MOK: variants seen among roughly 807,000 people sequenced by gnomAD.
MOK encodes the protein MAPK/MAK/MRK overlapping kinase.
Under a neutral mutation model 54.2 loss-of-function variants are expected in MOK, and 59 were observed. The observed-to-expected ratio is 1.09, with a 90% CI of 0.88 to 1.35. The LOEUF is 1.35. MOK is among the 40% of genes most tolerant of loss of function. The pLI is 0.00. For missense variants in MOK, 517 were observed against 526.2 expected (o/e 0.98, Z 0.17); for synonymous variants, 210 against 202.7 (o/e 1.04, Z -0.31).
chr14:102,254,076 C>G (rs2066740117), intron 4 of MOK, among the ~76,000 whole-genome samples: 1 of 152,030 alleles, frequency 6.6e-6, no homozygotes, highest in Non-Finnish European at 1.5e-5. Context: ...CCTCCACCTC[C>G]CAGGTTCAAG....
intron 4 of MOK, among the ~76,000 whole-genome samples, chr14:102,252,914 G>A (rs185617931): frequency 2.5e-4 from 38 of 152,196 alleles, no homozygotes; most frequent in African/African-American, 8.9e-4. Context: ...TAGAAGAGAT[G>A]GCAGTCTTAA....
At chr14:102,228,356 G>A (rs186470986), downstream of MOK, among the ~76,000 whole-genome samples, 223 of 152,314 alleles carry the variant, frequency 1.5e-3, no homozygotes, top group African/African-American at 5.2e-3. Flanking sequence ...GGGCTCCGAG[G>A]ACACGCCTGT....
intron 1 of MOK, among the ~76,000 whole-genome samples, chr14:102,302,744 A>T (rs2072376643): frequency 6.6e-6 from 1 of 151,950 alleles, no homozygotes; most frequent in Non-Finnish European, 1.5e-5. Context: ...ATATAGGTAT[A>T]CACATGCAGT....
intron 1 of MOK, among the ~76,000 whole-genome samples, chr14:102,288,799 GA>G (rs2070424201): frequency 6.6e-6 from 1 of 152,210 alleles, no homozygotes. Context: ...GGCTGAAGGG[GA>G]CACCCATGAT....
intron 2 of MOK, among the ~76,000 whole-genome samples, chr14:102,282,927 T>C (rs1194482605): frequency 6.6e-6 from 1 of 151,700 alleles, no homozygotes; most frequent in Non-Finnish European, 1.5e-5. Context: ...TGGTGGCACA[T>C]GCCTGCAGTT....
At chr14:102,271,212 A>C (rs996460844) in intron 2 of MOK, among the ~76,000 whole-genome samples, 4 of 152,188 alleles carry the variant, frequency 2.6e-5, no homozygotes, top group Admixed American at 6.5e-5. Flanking sequence ...ATCATCCTTC[A>C]ATAAAGCTTT....
intron 1 of MOK, among the ~76,000 whole-genome samples, chr14:102,284,776 A>C (rs1453960489): frequency 6.6e-6 from 1 of 152,190 alleles, no homozygotes; most frequent in Non-Finnish European, 1.5e-5. Context: ...CGAGGCCACA[A>C]AGAAATAAGG....
At chr14:102,266,283 G>C (rs1413111453) in intron 2 of MOK, among the ~76,000 whole-genome samples, 1 of 151,250 alleles carries the variant, frequency 6.6e-6, no homozygotes, top group Admixed American at 6.6e-5. Context: ...GCATTTCAAA[G>C]TTCCAAGAAA....
At chr14:102,271,168 G>C (rs1016102271) in intron 2 of MOK, among the ~76,000 whole-genome samples, 4 of 152,202 alleles carry the variant, frequency 2.6e-5, no homozygotes, top group Admixed American at 2.0e-4. Flanking sequence ...CTGGATGACA[G>C]AGCGAGACTC....
intron 1 of MOK, among the ~76,000 whole-genome samples, chr14:102,301,683 G>A (rs1321513976): frequency 6.6e-6 from 1 of 152,090 alleles, no homozygotes; most frequent in Non-Finnish European, 1.5e-5. Context: ...TTAATGATCA[G>A]GATGTAAACC....
chr14:102,251,611 C>G, intron 6 of MOK, 145 bp downstream of exon 6: 1 of 725,288 alleles, frequency 1.4e-6, no homozygotes, highest in Non-Finnish European at 2.5e-6. Context: ...TTTTTACAAC[C>G]TGAGAGGGAA....
downstream of MOK, chr14:102,226,429 C>T: frequency 1.4e-6 from 1 of 702,972 alleles, no homozygotes. The surrounding 1 kb of genome is among the most constrained non-coding windows in gnomAD (Gnocchi z 4.8). Flanking sequence ...AATTCAAGCG[C>T]TTCAATTGCA....
chr14:102,248,196 C>A (rs1167429654), intron 7 of MOK, among the ~76,000 whole-genome samples: 1 of 152,160 alleles, frequency 6.6e-6, no homozygotes, highest in African/African-American at 2.4e-5. Flanking sequence ...TTGGTGCTGC[C>A]CACCCCTCCC....
downstream of MOK, chr14:102,224,940 A>C: frequency 5.2e-6 from 2 of 384,048 alleles, no homozygotes; most frequent in South Asian, 4.0e-5. Flanking sequence ...CTGTCATCTT[A>C]AAGTGTTGAT....
At position 102,233,740 on chromosome 14, in the gene MOK, T is replaced by C; in HGVS notation, c.640A>G (p.Ile214Val). 3.7e-6 allele frequency: 6 copies of C among 1,614,116 alleles called. No homozygotes were observed. Among genetic ancestry groups the C allele is most frequent in the Non-Finnish European group, 5.1e-6 (6 of 1,179,992 alleles). ...GCGGGTGTGCCGATGACATCGTGGA[T>C]TTTTGAGATTTGGTCCAGTTCATTT... ...GVNELDQISK[I>V]HDVIGTPAQK... Residue 214 changes from isoleucine to valine, a missense_variant, in exon 8 of 12, where the codon ATC becomes GTC. Ile to Val is a conservative substitution (Grantham distance 29, BLOSUM62 3). Transcript: ENST00000361847.
At chr14:102,289,924 A>G (rs1258037878) in intron 1 of MOK, among the ~76,000 whole-genome samples, 2 of 152,224 alleles carry the variant, frequency 1.3e-5, no homozygotes, top group East Asian at 3.9e-4. Flanking sequence ...GAACTAAAGG[A>G]TAAAGAACAC....
At chr14:102,269,709 G>A (rs2068204179) in intron 2 of MOK, among the ~76,000 whole-genome samples, 1 of 152,130 alleles carries the variant, frequency 6.6e-6, no homozygotes. Flanking sequence ...CTGATCTCAA[G>A]TGATCCACCT....
chr14:102,298,577 C>G (rs966900518), intron 1 of MOK, among the ~76,000 whole-genome samples: 2 of 152,166 alleles, frequency 1.3e-5, no homozygotes, highest in African/African-American at 2.4e-5. Context: ...CACCAATCAG[C>G]ACCCTGTCAA....
At chr14:102,272,324 C>T (rs963654626) in intron 2 of MOK, among the ~76,000 whole-genome samples, 12 of 152,198 alleles carry the variant, frequency 7.9e-5, no homozygotes, top group Admixed American at 5.2e-4. Context: ...CCCATCTCTA[C>T]TAAAAATACA....
Sources: gnomAD v4.1 joint callset for allele counts (sites outside exome capture counted in the v4.1 genomes callset) on GRCh38, gnomAD v4.1.1 for gene constraint, Gnocchi (gnomAD v3.1) non-coding constraint, MANE v1.5 for transcripts, NCBI Gene and HGNC (gene_info 2026-07-23, HGNC 2026-07-21) for gene names.